The following ZNF730 variants were observed in gnomAD, a reference collection of about 807,000 sequenced individuals.
The protein encoded by ZNF730 is zinc finger protein 730.
ZNF730 carries 12 observed loss-of-function variants against 12.6 expected under a neutral mutation model. That is an observed-to-expected ratio of 0.95 (90% CI 0.61 to 1.54). The LOEUF (loss-of-function observed/expected upper bound fraction) is 1.54, where lower values mean the gene tolerates loss of function less well. ZNF730 is among the 40% of genes most tolerant of loss of function. The pLI is 0.00. For synonymous variants in ZNF730, 194 were observed against 195.8 expected (o/e 0.99, Z 0.08); for missense variants, 643 against 583.5 (o/e 1.10, Z -1.05).
chr19:23,141,555 T>A (rs1970920426), intron 3 of ZNF730, among the ~76,000 whole-genome samples: 1 of 152,202 alleles, frequency 6.6e-6, no homozygotes, highest in Admixed American at 6.5e-5. Flanking sequence ...ATCTGTAGAT[T>A]GCATTGAGCA....
chr19:23,094,664 G>A (rs1970220601), intron 1 of ZNF730, among the ~76,000 whole-genome samples: 1 of 151,822 alleles, frequency 6.6e-6, no homozygotes. Flanking sequence ...AGTAGAAATG[G>A]GGTTTCAACA....
chr19:23,115,229 A>G (rs948225111), upstream of ZNF730, among the ~76,000 whole-genome samples: 2 of 152,018 alleles, frequency 1.3e-5, no homozygotes, highest in South Asian at 2.1e-4. Context: ...AGTTTGATCT[A>G]TGGAGGTGCC....
rs1486152183 is a variant in ZNF730 at position 23,146,226 on chromosome 19, A to G, written c.1182A>G (p.Lys394=). Residue 394 remains lysine, a synonymous_variant, in exon 4 of 4, where the codon AAA becomes AAG. Transcript: ENST00000597761. The part of the protein sequence containing the change: ...TIHKIIHTVE[K]FYKCEECGKA... ...ATAAGATAATTCATACTGTAGAGAAATTTTACAAATGTGAAGAATGTGGCA... is the reference window on the plus strand; with the variant it reads ...ATAAGATAATTCATACTGTAGAGAAGTTTTACAAATGTGAAGAATGTGGCA... 1 of 1,612,638 alleles carries G rather than the reference A, an allele frequency of 6.2e-7. No homozygotes were observed. The highest frequency in any genetic ancestry group is 2.2e-5 in the East Asian group (1 of 44,826).
intron 1 of ZNF730, chr19:23,127,767 T>G (rs1970688248): frequency 1.1e-6 from 1 of 884,290 alleles, no homozygotes. Flanking sequence ...TGAGAGGAAG[T>G]TAGGGCCATC....
At chr19:23,104,536 T>G (rs1226076316) in intron 1 of ZNF730, among the ~76,000 whole-genome samples, 1 of 152,102 alleles carries the variant, frequency 6.6e-6, no homozygotes, top group Non-Finnish European at 1.5e-5. Context: ...ATGAACAAAA[T>G]TAGGAATATG....
chr19:23,076,364 T>TA (rs1466498237), intron 1 of ZNF730, among the ~76,000 whole-genome samples: 1 of 152,168 alleles, frequency 6.6e-6, no homozygotes, highest in Non-Finnish European at 1.5e-5. Context: ...AAATAAAAAT[T>TA]ATCTCTGCCT....
chr19:23,100,754 C>G (rs1268204059), intron 1 of ZNF730, among the ~76,000 whole-genome samples: 1 of 145,570 alleles, frequency 6.9e-6, no homozygotes, highest in African/African-American at 2.5e-5. Flanking sequence ...CTCCTGGGTT[C>G]AAGCGATTCT....
chr19:23,143,173 A>G (rs949486582), intron 3 of ZNF730, among the ~76,000 whole-genome samples: 5 of 152,082 alleles, frequency 3.3e-5, no homozygotes, highest in African/African-American at 1.2e-4. Flanking sequence ...GAACCCCGGG[A>G]GGCGGAGCTT....
At chr19:23,087,070 C>T (rs542307500) in intron 1 of ZNF730, among the ~76,000 whole-genome samples, 5 of 152,114 alleles carry the variant, frequency 3.3e-5, no homozygotes, top group East Asian at 1.9e-4. Flanking sequence ...TGAGTTTGTT[C>T]GTGATTTGGC....
At chr19:23,110,787 T>C (rs966082047) in intron 1 of ZNF730, among the ~76,000 whole-genome samples, 6 of 152,324 alleles carry the variant, frequency 3.9e-5, no homozygotes, top group African/African-American at 1.4e-4. Context: ...AATGAAGAGA[T>C]TGATTCTTAT....
intron 1 of ZNF730, among the ~76,000 whole-genome samples, chr19:23,104,694 G>A (rs1175369556): frequency 1.3e-5 from 2 of 152,140 alleles, no homozygotes; most frequent in African/African-American, 4.8e-5. Flanking sequence ...TTGTTTGTTT[G>A]TTTTAACCAA....
At position 23,145,446 on chromosome 19, in the gene ZNF730, C is replaced by G. The variant is rs1287532000; in HGVS notation, c.402C>G (p.Asn134Lys). The G allele has an allele frequency of 1.3e-6, 2 of 1,575,542 alleles. No individual in the cohort carries two copies. Among genetic ancestry groups the G allele is most frequent in the Non-Finnish European group, 1.7e-6 (2 of 1,161,868 alleles). ...KMHKKGYNRH[N>K]QCLTTSHSKI... ...ACAAAAAAGGTTATAATAGACATAA[C>G]CAGTGTTTGACAACTTCCCATAGCA... The change falls in exon 4 of 4, where the codon AAC becomes AAG. Residue 134 changes from asparagine to lysine, a missense_variant. Asn to Lys is a moderately conservative substitution (Grantham distance 94, BLOSUM62 0). Coordinates refer to ENST00000597761, the MANE Select transcript of ZNF730 (RefSeq NM_001277403.2).
chr19:23,136,424 A>G (rs936033153), intron 3 of ZNF730, among the ~76,000 whole-genome samples: 16 of 151,954 alleles, frequency 1.1e-4, no homozygotes, highest in Admixed American at 6.6e-5. Context: ...ATTTTTTTTG[A>G]GACGGAGTCT....
At chr19:23,129,355 T>C (rs546408766) in intron 1 of ZNF730, among the ~76,000 whole-genome samples, 184 of 152,240 alleles carry the variant, frequency 1.2e-3, no homozygotes, top group African/African-American at 4.3e-3. Context: ...AGGGAGGCTG[T>C]ACCCTGCAGA....
At chr19:23,127,269 G>A in intron 1 of ZNF730, 1 of 662,420 alleles carries the variant, frequency 1.5e-6, no homozygotes, top group Admixed American at 2.3e-5. Flanking sequence ...ATTTTTCCTT[G>A]CACACTCAAA....
chr19:23,116,060 TC>T (rs1482626292), upstream of ZNF730, among the ~76,000 whole-genome samples: 1 of 152,196 alleles, frequency 6.6e-6, no homozygotes, highest in African/African-American at 2.4e-5. Flanking sequence ...TGGTCCTTAG[TC>T]CCCGCACGCA....
chr19:23,085,826 A>ATTTTTTTTTTTTTTT (rs1383951518), intron 1 of ZNF730, among the ~76,000 whole-genome samples: 3 of 72,546 alleles, frequency 4.1e-5, no homozygotes, highest in African/African-American at 1.8e-4. Context: ...ATTTCACCCA[A>ATTTTTTTTTTTTTTT]TTTTTTTTTC....
chr19:23,087,531 A>C (rs1375419852), intron 1 of ZNF730, among the ~76,000 whole-genome samples: 1 of 152,120 alleles, frequency 6.6e-6, no homozygotes, highest in African/African-American at 2.4e-5. Context: ...CATATTCTCG[A>C]TATAAGATTA....
chr19:23,140,915 A>G (rs895426336), intron 3 of ZNF730, among the ~76,000 whole-genome samples: 2 of 151,116 alleles, frequency 1.3e-5, no homozygotes, highest in East Asian at 2.0e-4. Flanking sequence ...TTTTGCCACT[A>G]CACTCTAGCC....
Sources: allele counts gnomAD v4.1 joint callset (sites outside exome capture counted in the v4.1 genomes callset), GRCh38; gene constraint gnomAD v4.1.1; transcripts MANE v1.5; gene names NCBI Gene and HGNC (gene_info 2026-07-23, HGNC 2026-07-21).